PDE4D: variants seen among roughly 807,000 people sequenced by gnomAD.
PDE4D encodes the protein phosphodiesterase 4D, also known as 3',5'-cyclic-AMP phosphodiesterase 4D.
Under a neutral mutation model 87.4 loss-of-function variants are expected in PDE4D, and 24 were observed. That is an observed-to-expected ratio of 0.27 (90% CI 0.20 to 0.39). PDE4D has a LOEUF of 0.39. Ranked by LOEUF, PDE4D falls within the 10% of genes least tolerant of loss-of-function variation. PDE4D has a pLI of 1.00. For synonymous variants in PDE4D, 384 were observed against 383.2 expected, an observed-to-expected ratio of 1.00 and a Z score of -0.02; for missense variants, 714 against 1,041.0, an observed-to-expected ratio of 0.69 and a Z score of 4.32.
At chr5:59,549,716 G>T (rs1201655444) in intron 1 of PDE4D, among the ~76,000 whole-genome samples, 1 of 152,072 alleles carries the variant, frequency 6.6e-6, no homozygotes, top group Non-Finnish European at 1.5e-5. Context: ...ACAGGCATTT[G>T]TGAGAAAGCG....
Position 59,919,409 on chromosome 5 carries a change from T to A in PDE4D, c.272+69079A>T, listed in dbSNP as rs142950263. Among the ~76,000 whole-genome samples, 116 of 152,232 alleles carry A rather than the reference T, an allele frequency of 7.6e-4. 3 individuals carry two copies. The highest frequency in any genetic ancestry group is 2.7e-3 in the African/African-American group (114 of 41,560). On this transcript the variant is annotated intron_variant, in intron 3 of 16. Transcript: ENST00000502484. ...TACCATACAATCTGCATGGACTTTC[T>A]AGGAGGTTTATTCTTTCATTAGATA...
At chr5:59,545,347 C>T (rs1817088565) in intron 1 of PDE4D, among the ~76,000 whole-genome samples, 1 of 150,128 alleles carries the variant, frequency 6.7e-6, no homozygotes, top group Non-Finnish European at 1.5e-5. Context: ...AGACCACTCA[C>T]GTAAAAAAAA....
intron 1 of PDE4D, among the ~76,000 whole-genome samples, chr5:60,342,364 G>A (rs1200892427): frequency 2.0e-5 from 3 of 152,032 alleles, no homozygotes; most frequent in Non-Finnish European, 4.4e-5. Flanking sequence ...TGGAAGGTGC[G>A]AGCTCAGTCC....
chr5:60,140,347 T>C (rs1285263140), intron 2 of PDE4D, among the ~76,000 whole-genome samples: 2 of 151,976 alleles, frequency 1.3e-5, no homozygotes, highest in East Asian at 3.9e-4. Context: ...GATGGAATAA[T>C]TGAATTATAG....
At chr5:60,233,501 T>A (rs1746054661) in intron 1 of PDE4D, among the ~76,000 whole-genome samples, 1 of 151,734 alleles carries the variant, frequency 6.6e-6, no homozygotes, top group Non-Finnish European at 1.5e-5. Context: ...AAGTGCCAAC[T>A]GTTCCTTTAG....
intron 3 of PDE4D, among the ~76,000 whole-genome samples, chr5:59,942,112 C>T (rs1757251080): frequency 6.6e-6 from 1 of 152,192 alleles, no homozygotes; most frequent in Non-Finnish European, 1.5e-5. Context: ...GTTTAAATAC[C>T]ACAGGCTTGC....
chr5:59,255,375 A>C (rs1452036723), intron 1 of PDE4D, among the ~76,000 whole-genome samples: 1 of 152,074 alleles, frequency 6.6e-6, no homozygotes, highest in Non-Finnish European at 1.5e-5. Flanking sequence ...GAGGAAAAAA[A>C]CGTAGATTAG....
chr5:59,746,770 A>G (rs934961899), intron 1 of PDE4D, among the ~76,000 whole-genome samples: 1 of 152,062 alleles, frequency 6.6e-6, no homozygotes, highest in African/African-American at 2.4e-5. Context: ...CACCGAGAAT[A>G]CGGATTTACT....
Position 60,394,996 on chromosome 5 carries a change from C to T in PDE4D, c.-90+92946G>A, listed in dbSNP as rs565423051. ...TTCGCCTTCAGGGTAGTTCCAAGAG[C>T]TAATGTCTAAGGCTATACTAATACT... On this transcript the variant is annotated intron_variant, in intron 1 of 16. Coordinates refer to the PDE4D transcript ENST00000502484. 2.2e-4 allele frequency among the ~76,000 whole-genome samples: 33 copies of T among 152,238 alleles called. No homozygotes were observed. The South Asian group carries it at 6.6e-3, about 31-fold the overall frequency.
intron 4 of PDE4D, among the ~76,000 whole-genome samples, chr5:59,183,125 C>T (rs972829791): frequency 6.6e-5 from 10 of 152,138 alleles, no homozygotes; most frequent in Non-Finnish European, 8.8e-5. Flanking sequence ...TGAACAGAAT[C>T]GAGTTTAGCC....
chr5:60,107,809 C>A (rs1015350063), intron 2 of PDE4D, among the ~76,000 whole-genome samples: 1 of 152,044 alleles, frequency 6.6e-6, no homozygotes, highest in African/African-American at 2.4e-5. Context: ...AATTCAACAG[C>A]CCTTCATGCT....
chr5:59,405,254 T>G (rs1035878195), intron 1 of PDE4D, among the ~76,000 whole-genome samples: 6 of 152,234 alleles, frequency 3.9e-5, no homozygotes, highest in African/African-American at 1.4e-4. Context: ...TTTAATTTCT[T>G]TCATCCGTGT....
chr5:59,905,099 A>G (rs1227822975), intron 3 of PDE4D, among the ~76,000 whole-genome samples: 1 of 152,098 alleles, frequency 6.6e-6, no homozygotes, highest in Non-Finnish European at 1.5e-5. Context: ...AAGGATATGA[A>G]CCATTATTTT....
At chr5:59,825,310 A>G (rs978320834) in intron 1 of PDE4D, among the ~76,000 whole-genome samples, 1 of 152,232 alleles carries the variant, frequency 6.6e-6, no homozygotes, top group African/African-American at 2.4e-5. Flanking sequence ...ACCCAGGCCT[A>G]CGCTGAAGAA....
intron 3 of PDE4D, among the ~76,000 whole-genome samples, chr5:59,947,729 C>T (rs904969075): frequency 7.9e-5 from 12 of 152,194 alleles, no homozygotes; most frequent in African/African-American, 2.7e-4. Context: ...CTCTTAAGGG[C>T]CAGGCACGGT....
At chr5:59,750,514 G>A (rs956555458) in intron 1 of PDE4D, among the ~76,000 whole-genome samples, 52 of 152,096 alleles carry the variant, frequency 3.4e-4, no homozygotes, top group Non-Finnish European at 5.9e-5. Flanking sequence ...ATCTCTTTCA[G>A]ATCTCTGCTG....
intron 1 of PDE4D, among the ~76,000 whole-genome samples, chr5:60,317,935 G>A (rs192667456): frequency 7.2e-5 from 11 of 152,278 alleles, no homozygotes; most frequent in Admixed American, 1.3e-4. Context: ...GAATAAGTGC[G>A]GTGTGGTACT....
intron 6 of PDE4D, among the ~76,000 whole-genome samples, chr5:59,007,238 TCA>T (rs1413524033): frequency 2.0e-5 from 3 of 152,204 alleles, no homozygotes; most frequent in Non-Finnish European, 4.4e-5. Context: ...TATCCTATAA[TCA>T]ATCTACATTT....
intron 2 of PDE4D, among the ~76,000 whole-genome samples, chr5:59,998,068 C>T (rs373565126): frequency 1.3e-5 from 2 of 152,190 alleles, no homozygotes; most frequent in East Asian, 1.9e-4. Flanking sequence ...GGACTCATGG[C>T]AATGTGTGTG....
Sources: gnomAD v4.1 joint callset for allele counts (sites outside exome capture counted in the v4.1 genomes callset) on GRCh38, gnomAD v4.1.1 for gene constraint, MANE v1.5 for transcripts, NCBI Gene and HGNC (gene_info 2026-07-23, HGNC 2026-07-21) for gene names.